The following N4BP1 variants were observed in gnomAD, a reference collection of about 807,000 sequenced individuals.
N4BP1 encodes the protein NEDD4 binding protein 1.
Under a neutral mutation model 70.9 loss-of-function variants are expected in N4BP1, and 21 were observed. The ratio of observed to expected loss-of-function variants is 0.30; its 90% CI spans 0.21 to 0.43. N4BP1 has a LOEUF of 0.43. N4BP1 is among the 20% of genes least tolerant of loss of function. The pLI is 1.00. For synonymous variants in N4BP1, 387 were observed against 394.6 expected (o/e 0.98, Z 0.23); for missense variants, 936 against 1,069.4 (o/e 0.88, Z 1.74).
chr16:48,605,054 C>CA (rs896743024), intron 1 of N4BP1, among the ~76,000 whole-genome samples: 9 of 150,680 alleles, frequency 6.0e-5, no homozygotes, highest in African/African-American at 2.0e-4. Flanking sequence ...TTTCTCAAGA[C>CA]AGAGTTTTGC....
At chr16:48,585,333 G>T (rs910085152) in intron 1 of N4BP1, among the ~76,000 whole-genome samples, 3 of 151,490 alleles carry the variant, frequency 2.0e-5, no homozygotes, top group African/African-American at 7.3e-5. Context: ...ATATATTTAT[G>T]ATTATGAAAA....
intron 6 of N4BP1, among the ~76,000 whole-genome samples, chr16:48,544,836 A>G (rs1042531518): frequency 2.0e-5 from 3 of 152,212 alleles, no homozygotes; most frequent in African/African-American, 7.2e-5. Context: ...AGTGAATGTA[A>G]AAAGACACTC....
chr16:48,571,449 G>A (rs768790193), intron 1 of N4BP1, among the ~76,000 whole-genome samples: 20 of 152,158 alleles, frequency 1.3e-4, no homozygotes, highest in Non-Finnish European at 2.2e-4. Context: ...AAGCACCCAC[G>A]CTGGAACAAA....
intron 6 of N4BP1, 93 bp from the exon 7 acceptor site, chr16:48,543,354 C>T: frequency 9.5e-7 from 1 of 1,055,464 alleles, no homozygotes. Flanking sequence ...GGCCTTGAGG[C>T]TCAGGATGCC....
intron 5 of N4BP1, among the ~76,000 whole-genome samples, chr16:48,547,735 CAA>C (rs1326287011): frequency 1.3e-5 from 2 of 152,214 alleles, no homozygotes; most frequent in Non-Finnish European, 2.9e-5. Flanking sequence ...CTTCATGCAA[CAA>C]AACTCTGATG....
chr16:48,609,598 C>G (rs1208086663), intron 1 of N4BP1, among the ~76,000 whole-genome samples, 177 bp downstream of exon 1: 1 of 152,230 alleles, frequency 6.6e-6, no homozygotes, highest in Non-Finnish European at 1.5e-5. Flanking sequence ...CTCCGGGGAT[C>G]AAGCCGCTAT....
chr16:48,574,283 T>C (rs1483528111), intron 1 of N4BP1, among the ~76,000 whole-genome samples: 1 of 152,370 alleles, frequency 6.6e-6, no homozygotes, highest in East Asian at 1.9e-4. Context: ...CATAACATGC[T>C]ATGATGTGTC....
At chr16:48,568,438 G>C (rs1963971867) in intron 1 of N4BP1, among the ~76,000 whole-genome samples, 1 of 152,094 alleles carries the variant, frequency 6.6e-6, no homozygotes, top group Non-Finnish European at 1.5e-5. Flanking sequence ...AAATCAAGAG[G>C]AGAAAGTAAC....
chr16:48,564,650 C>G (rs555247078), intron 1 of N4BP1, among the ~76,000 whole-genome samples: 34 of 152,192 alleles, frequency 2.2e-4, no homozygotes, highest in African/African-American at 8.2e-4. Flanking sequence ...GTTCCTTTGT[C>G]TTCCCATACA....
chr16:48,586,635 GC>G (rs1964249808), intron 1 of N4BP1, among the ~76,000 whole-genome samples: 1 of 152,090 alleles, frequency 6.6e-6, no homozygotes, highest in African/African-American at 2.4e-5. Context: ...CTTTTCCATT[GC>G]TAAGTAGTAT....
intron 1 of N4BP1, among the ~76,000 whole-genome samples, chr16:48,566,310 G>C (rs1483019803): frequency 6.6e-6 from 1 of 152,122 alleles, no homozygotes; most frequent in Non-Finnish European, 1.5e-5. Context: ...CTCCCAAAGT[G>C]TTGGGATTTC....
intron 1 of N4BP1, among the ~76,000 whole-genome samples, chr16:48,602,911 A>T (rs537879388): frequency 6.6e-6 from 1 of 152,252 alleles, no homozygotes; most frequent in East Asian, 1.9e-4. Flanking sequence ...TGAGCCTGGG[A>T]GGGCAAGGCT....
At chr16:48,563,104 T>C (rs1171809128) in intron 1 of N4BP1, among the ~76,000 whole-genome samples, 1 of 152,106 alleles carries the variant, frequency 6.6e-6, no homozygotes, top group Non-Finnish European at 1.5e-5. Context: ...CTGGACAGTA[T>C]TGGTGTTCTC....
intron 1 of N4BP1, among the ~76,000 whole-genome samples, chr16:48,579,589 G>A (rs926474797): frequency 1.3e-5 from 2 of 151,490 alleles, no homozygotes; most frequent in Admixed American, 6.6e-5. Context: ...TTACAATGTT[G>A]TTGCTCTGTA....
At chr16:48,606,641 G>A (rs747595573) in intron 1 of N4BP1, among the ~76,000 whole-genome samples, 3 of 152,146 alleles carry the variant, frequency 2.0e-5, no homozygotes, top group Non-Finnish European at 2.9e-5. Flanking sequence ...ACCTGCATGC[G>A]CACTATCACT....
intron 1 of N4BP1, among the ~76,000 whole-genome samples, chr16:48,576,432 C>G (rs1279152826): frequency 2.6e-5 from 4 of 152,160 alleles, no homozygotes; most frequent in African/African-American, 7.2e-5. Flanking sequence ...ACTGAGTGTA[C>G]TCCTAGAGAC....
intron 1 of N4BP1, among the ~76,000 whole-genome samples, chr16:48,584,848 G>T (rs1030707476): frequency 1.3e-5 from 2 of 152,074 alleles, no homozygotes; most frequent in Non-Finnish European, 2.9e-5. Context: ...TAATTCTCAC[G>T]CAAATCAGTA....
chr16:48,592,562 A>G (rs1420524833), intron 1 of N4BP1, among the ~76,000 whole-genome samples: 2 of 152,230 alleles, frequency 1.3e-5, no homozygotes, highest in Non-Finnish European at 2.9e-5. Flanking sequence ...TGTTTATATA[A>G]AAGAGCTCTA....
intron 5 of N4BP1, among the ~76,000 whole-genome samples, chr16:48,547,544 A>G (rs748294437): frequency 6.6e-6 from 1 of 152,238 alleles, no homozygotes; most frequent in Admixed American, 6.5e-5. Flanking sequence ...AAAGCATCAG[A>G]TATTAAAAAG....
Sources: gnomAD v4.1 joint callset for allele counts (sites outside exome capture counted in the v4.1 genomes callset) on GRCh38, gnomAD v4.1.1 for gene constraint, MANE v1.5 for transcripts, NCBI Gene and HGNC (gene_info 2026-07-23, HGNC 2026-07-21) for gene names.